UNC5D: variants seen among roughly 807,000 people sequenced by gnomAD.
The protein encoded by UNC5D is netrin receptor UNC5D.
A neutral mutation model predicts 105.4 loss-of-function variants in UNC5D; 39 were observed. That is an observed-to-expected ratio of 0.37 (90% CI 0.29 to 0.48). The LOEUF (loss-of-function observed/expected upper bound fraction) is 0.48, where lower values mean the gene tolerates loss of function less well. Ranked by LOEUF, UNC5D falls within the 20% of genes least tolerant of loss-of-function variation. UNC5D has a pLI of 0.98. For missense variants in UNC5D, 991 were observed against 1,202.4 expected, an observed-to-expected ratio of 0.82 and a Z score of 2.60; for synonymous variants, 452 against 450.4, an observed-to-expected ratio of 1.00 and a Z score of -0.04.
Position 35,682,112 on chromosome 8 carries a change from G to A in UNC5D, c.571-1435G>A, listed in dbSNP as rs557742606. ...CCTGAGTATCTGGGATTACAGGCAC[G>A]TGCCACCACACCCGGCTAATTTTGG... On this transcript the variant is annotated intron_variant, in intron 4 of 16. Coordinates refer to ENST00000404895, the MANE Select transcript of UNC5D (RefSeq NM_080872.4). Among the ~76,000 whole-genome samples the A allele has an allele frequency of 1.4e-4, 22 of 152,092 alleles. No homozygotes were observed. In the South Asian group the frequency reaches 2.5e-3, roughly 17 times the overall value.
intron 3 of UNC5D, among the ~76,000 whole-genome samples, chr8:35,590,939 C>A (rs1030520453): frequency 2.0e-5 from 3 of 152,092 alleles, no homozygotes; most frequent in Non-Finnish European, 2.9e-5. Flanking sequence ...ATATATTATG[C>A]ATCTTTCTTC....
At chr8:35,313,662 G>C (rs913372317) in intron 1 of UNC5D, among the ~76,000 whole-genome samples, 15 of 152,244 alleles carry the variant, frequency 9.9e-5, no homozygotes, top group Non-Finnish European at 1.8e-4. Flanking sequence ...TAAAAGGATG[G>C]ATCCAGAATA....
intron 1 of UNC5D, among the ~76,000 whole-genome samples, chr8:35,541,977 T>C (rs543057434): frequency 5.3e-4 from 81 of 151,692 alleles, no homozygotes; most frequent in Non-Finnish European, 7.1e-4. Flanking sequence ...TTTGAATGTG[T>C]CTTAAGCACT....
chr8:35,722,073 C>A, intron 8 of UNC5D, 137 bp from the exon 9 acceptor site: 1 of 940,820 alleles, frequency 1.1e-6, no homozygotes, highest in Non-Finnish European at 1.6e-6. Context: ...GTGAGTACAA[C>A]TTGTGTTCAC....
intron 4 of UNC5D, among the ~76,000 whole-genome samples, chr8:35,612,668 A>G (rs1303327908): frequency 6.6e-6 from 1 of 151,668 alleles, no homozygotes; most frequent in African/African-American, 2.4e-5. Flanking sequence ...GGAACAATAG[A>G]AATCAAAATA....
chr8:35,477,575 A>G (rs1810195100), intron 1 of UNC5D, among the ~76,000 whole-genome samples: 2 of 152,174 alleles, frequency 1.3e-5, no homozygotes, highest in Admixed American at 6.6e-5. Context: ...GAATCCATGC[A>G]CAGGCTATTC....
chr8:35,754,026 T>G (rs1407999386), intron 13 of UNC5D, among the ~76,000 whole-genome samples: 1 of 152,220 alleles, frequency 6.6e-6, no homozygotes, highest in Non-Finnish European at 1.5e-5. Context: ...CATAGTGTGA[T>G]AGCTTCATAT....
intron 1 of UNC5D, among the ~76,000 whole-genome samples, chr8:35,427,666 T>C (rs904523421): frequency 2.6e-5 from 4 of 152,232 alleles, no homozygotes; most frequent in Admixed American, 2.0e-4. Flanking sequence ...TCCTGTTCTG[T>C]GATCCTGATA....
In UNC5D at chr8:35,647,272, T is replaced by C. The variant is rs150749762; in HGVS notation, c.571-36275T>C. ...AGAGCTATTCAACTTGCTGCTGTAA[T>C]CAAGAATAAGGACCACACAAACCAG... On this transcript the variant is annotated intron_variant, in intron 4 of 16. Transcript: ENST00000404895. 1.5e-4 allele frequency among the ~76,000 whole-genome samples: 23 copies of C among 152,248 alleles called. No individual in the cohort carries two copies. The East Asian group carries it at 4.4e-3, about 29-fold the overall frequency.
chr8:35,681,261 G>A (rs934919263), intron 4 of UNC5D, among the ~76,000 whole-genome samples: 2 of 152,074 alleles, frequency 1.3e-5, no homozygotes, highest in Admixed American at 1.3e-4. Context: ...CAAGGGAGAG[G>A]AATTTATTTA....
intron 14 of UNC5D, among the ~76,000 whole-genome samples, chr8:35,760,200 G>C (rs1180356833): frequency 6.6e-6 from 1 of 151,810 alleles, no homozygotes; most frequent in Non-Finnish European, 1.5e-5. Flanking sequence ...CCGTCACCAT[G>C]CCCAGCTAAT....
chr8:35,544,446 G>A, intron 1 of UNC5D: 1 of 1,613,882 alleles, frequency 6.2e-7, no homozygotes, highest in Non-Finnish European at 8.5e-7. Flanking sequence ...ATCTGGGGGT[G>A]GATGATCCTG....
chr8:35,538,330 G>A (rs1037868184), intron 1 of UNC5D, among the ~76,000 whole-genome samples: 1 of 147,880 alleles, frequency 6.8e-6, no homozygotes, highest in African/African-American at 2.5e-5. Context: ...AGGCACTGAA[G>A]CTAGTGGTAA....
At chr8:35,743,860 C>G (rs916620092) in intron 11 of UNC5D, among the ~76,000 whole-genome samples, 10 of 152,128 alleles carry the variant, frequency 6.6e-5, no homozygotes, top group African/African-American at 2.4e-4. Flanking sequence ...ATCCCCCAAA[C>G]AAGAAATTAT....
At chr8:35,735,925 C>T (rs1342310825) in intron 11 of UNC5D, among the ~76,000 whole-genome samples, 1 of 152,126 alleles carries the variant, frequency 6.6e-6, no homozygotes, top group African/African-American at 2.4e-5. Context: ...TATCTTTTAT[C>T]AATGAGATTA....
intron 1 of UNC5D, among the ~76,000 whole-genome samples, chr8:35,276,034 T>G (rs537341404): frequency 2.0e-5 from 3 of 152,326 alleles, no homozygotes; most frequent in African/African-American, 7.2e-5. Context: ...AGGATCAATT[T>G]TTTGTTAATG....
intron 1 of UNC5D, among the ~76,000 whole-genome samples, chr8:35,248,144 T>A (rs372241266): frequency 1.4e-3 from 40 of 27,864 alleles, no homozygotes; most frequent in East Asian, 3.5e-3. Flanking sequence ...TTATATAAAA[T>A]ATATATAATA....
At chr8:35,441,494 G>A (rs1288523546) in intron 1 of UNC5D, among the ~76,000 whole-genome samples, 1 of 151,766 alleles carries the variant, frequency 6.6e-6, no homozygotes, top group Non-Finnish European at 1.5e-5. Flanking sequence ...ACCCCCTGTA[G>A]ATAAGGGTGA....
intron 11 of UNC5D, among the ~76,000 whole-genome samples, chr8:35,739,214 T>C (rs1227651515): frequency 6.6e-6 from 1 of 152,196 alleles, no homozygotes; most frequent in African/African-American, 2.4e-5. Flanking sequence ...AAGATTGTAC[T>C]CTATTCCCCA....
Sources: allele counts gnomAD v4.1 joint callset (sites outside exome capture counted in the v4.1 genomes callset), GRCh38; gene constraint gnomAD v4.1.1; transcripts MANE v1.5; gene names NCBI Gene and HGNC (gene_info 2026-07-23, HGNC 2026-07-21).